The following OTUD6B variants were observed in gnomAD, a reference collection of about 807,000 sequenced individuals.
OTUD6B encodes deubiquitinase OTUD6B.
A neutral mutation model predicts 36.9 loss-of-function variants in OTUD6B; 41 were observed. That is an observed-to-expected ratio of 1.11 (90% CI 0.87 to 1.44). The LOEUF (loss-of-function observed/expected upper bound fraction) is 1.44, where lower values mean the gene tolerates loss of function less well. Ranked by LOEUF, OTUD6B falls within the 40% of genes most tolerant of loss-of-function variation. OTUD6B has a pLI of 0.00. For synonymous variants in OTUD6B, 114 were observed against 114.2 expected (o/e 1.00, Z 0.01); for missense variants, 356 against 344.8 (o/e 1.03, Z -0.26).
intron 3 of OTUD6B, among the ~76,000 whole-genome samples, chr8:91,074,504 T>G (rs1323964675): frequency 8.5e-5 from 13 of 152,054 alleles, no homozygotes; most frequent in Non-Finnish European, 7.4e-5. Context: ...AAATATTATT[T>G]AGATAGGATA....
Position 91,083,635 on chromosome 8 carries a change from C to G in OTUD6B, c.691-373C>G, listed in dbSNP as rs759702896. ...CACAGTTCAAACTTAGTTTCATGCA[C>G]AAAGTTATTTAAAATGTATAAAATT... On this transcript the variant is annotated intron_variant, in intron 5 of 6. Transcript: ENST00000404789. Among the ~76,000 whole-genome samples the G allele has an allele frequency of 7.1e-4, 108 of 152,178 alleles. 1 individual carries two copies. The highest frequency in any genetic ancestry group is 1.2e-3 in the Non-Finnish European group (82 of 68,002).
rs1812989478 is a variant in OTUD6B at position 91,085,112 on chromosome 8, C to G, written c.*244C>G. On this transcript the variant is annotated 3_prime_UTR_variant, in exon 7 of 7. Coordinates refer to ENST00000404789, the MANE Select transcript of OTUD6B (RefSeq NM_016023.5). ...AACACCATTCATAGACCAAGATGGT[C>G]CCCTATTAGCTGATATTTTCATTTA... is the stretch of plus-strand genomic sequence containing the variant. 4.2e-6 allele frequency: 1 copy of G among 235,686 alleles called. No homozygotes were observed. The highest frequency in any genetic ancestry group is 1.7e-4 in the South Asian group (1 of 5,788). The allele number at this position is 235,686 out of a possible 1,614,324, so 14.6% of individuals were successfully genotyped here.
chr8:91,080,827 C>G, intron 5 of OTUD6B, 97 bp downstream of exon 5: 1 of 833,666 alleles, frequency 1.2e-6, no homozygotes, highest in Non-Finnish European at 1.9e-6. Flanking sequence ...CCCAATTTCT[C>G]TTTGAAGATT....
rs541705246 is a variant in OTUD6B at position 91,071,555 on chromosome 8, A to G, written c.234+266A>G. 5.3e-5 allele frequency among the ~76,000 whole-genome samples: 8 copies of G among 152,238 alleles called. No individual in the cohort carries two copies. The South Asian group carries it at 8.3e-4, about 16-fold the overall frequency. Reference sequence around the variant, plus strand: ...AGTAGAGACAGGGTTTCACCATGTTAGCCAAGACGGTGTCGATCTCCTGAC... The same window carrying G: ...AGTAGAGACAGGGTTTCACCATGTTGGCCAAGACGGTGTCGATCTCCTGAC... On this transcript the variant is annotated intron_variant, in intron 2 of 6. Coordinates refer to ENST00000404789, the MANE Select transcript of OTUD6B (RefSeq NM_016023.5).
intron 3 of OTUD6B, among the ~76,000 whole-genome samples, chr8:91,075,576 C>G (rs769567712): frequency 1.3e-5 from 2 of 152,054 alleles, no homozygotes; most frequent in African/African-American, 2.4e-5. Context: ...TACTGCACAA[C>G]TGGAATTAAT....
Position 91,084,114 on chromosome 8 carries a change from T to A in OTUD6B, c.797T>A (p.Val266Glu). 6.9e-7 allele frequency: 1 copy of A among 1,442,796 alleles called. No individual in the cohort carries two copies. The highest frequency in any genetic ancestry group is 9.5e-7 in the Non-Finnish European group (1 of 1,054,168). The allele number at this position is 1,442,796 out of a possible 1,614,324, so 89.4% of individuals were successfully genotyped here. A position where few individuals can be genotyped will look rare whatever the true frequency, so the allele number is the denominator to read the frequency against. ...TATTCAAAAAAACCACTAATACTTG[T>A]GTAAGTACCTAGACATTTTTACTGT... The part of the protein sequence containing the change: ...EEYSKKPLIL[V>E]YMRHAYGLGE... Residue 266 changes from valine to glutamate, a missense_variant and splice_region_variant, in exon 6 of 7, where the codon GTA (valine) becomes GAA (glutamate). Transcript: ENST00000404789.
intron 2 of OTUD6B, among the ~76,000 whole-genome samples, chr8:91,073,109 C>A (rs982180610): frequency 6.6e-6 from 1 of 152,154 alleles, no homozygotes; most frequent in Non-Finnish European, 1.5e-5. Flanking sequence ...TCATTTGGGA[C>A]ACAGCCTTTG....
intron 5 of OTUD6B, among the ~76,000 whole-genome samples, chr8:91,082,984 T>C (rs953573511): frequency 7.9e-5 from 12 of 151,862 alleles, no homozygotes; most frequent in African/African-American, 2.9e-4. Context: ...GCTGGAATTA[T>C]GGGTGTGAGC....
chr8:91,071,361 C>A, intron 2 of OTUD6B, 72 bp downstream of exon 2: 3 of 1,191,266 alleles, frequency 2.5e-6, no homozygotes, highest in Non-Finnish European at 3.5e-6. Flanking sequence ...AAATGTTAAA[C>A]TGCTTTTTTT....
At chr8:91,076,533 A>G in intron 3 of OTUD6B, 2 of 1,524,156 alleles carry the variant, frequency 1.3e-6, no homozygotes, top group East Asian at 2.5e-5. Context: ...CTTTCAGTAA[A>G]TAGTACATGA....
intron 5 of OTUD6B, among the ~76,000 whole-genome samples, chr8:91,082,745 C>CTTTT (rs369648071): frequency 3.6e-5 from 4 of 111,868 alleles, no homozygotes; most frequent in Non-Finnish European, 5.3e-5. Context: ...GGTCATATGT[C>CTTTT]TTTTTTTTTT....
At chr8:91,072,724 C>T (rs1479862066) in intron 2 of OTUD6B, among the ~76,000 whole-genome samples, 1 of 152,090 alleles carries the variant, frequency 6.6e-6, no homozygotes, top group Non-Finnish European at 1.5e-5. Flanking sequence ...AATTGTCTCC[C>T]CATCTTTTCT....
At chr8:91,083,245 T>C (rs768612675) in intron 5 of OTUD6B, among the ~76,000 whole-genome samples, 2 of 152,120 alleles carry the variant, frequency 1.3e-5, no homozygotes, top group African/African-American at 2.4e-5. Flanking sequence ...TCTGAAAAAC[T>C]TTAAAAAAAT....
chr8:91,082,745 CTTTTTTTTTTT>C (rs369648071), intron 5 of OTUD6B, among the ~76,000 whole-genome samples: 2 of 111,870 alleles, frequency 1.8e-5, no homozygotes, highest in African/African-American at 3.7e-5. Context: ...GGTCATATGT[CTTTTTTTTTTT>C]TTTTTTTTTT....
In OTUD6B at chr8:91,084,764, C is replaced by CTT; in HGVS notation, c.798-10_798-9dup. 53 of 1,147,714 alleles carry CTT rather than the reference C, an allele frequency of 4.6e-5. No homozygotes were observed. The highest frequency in any genetic ancestry group is 1.5e-4 in the South Asian group (9 of 58,700). The allele number at this position is 1,147,714 out of a possible 1,614,324, so 71.1% of individuals were successfully genotyped here. A position where few individuals can be genotyped will look rare whatever the true frequency, so the allele number is the denominator to read the frequency against. The stretch of plus-strand genomic sequence containing the variant: ...TTGCTTTCATCAAAACTACTCATTT[C>CTT]TTTTTTTTTTTAATTTCAGATATAT... On this transcript the variant is annotated intron_variant, in intron 6 of 6. Coordinates refer to ENST00000404789, the MANE Select transcript of OTUD6B (RefSeq NM_016023.5).
chr8:91,082,552 G>A (rs1812925787), intron 5 of OTUD6B, among the ~76,000 whole-genome samples: 1 of 151,896 alleles, frequency 6.6e-6, no homozygotes, highest in Non-Finnish European at 1.5e-5. Context: ...TAGAAACGGG[G>A]TCTCCCTGTG....
intron 1 of OTUD6B, 143 bp from the exon 2 acceptor site, chr8:91,070,995 G>A (rs1554585722): frequency 7.4e-7 from 1 of 1,353,276 alleles, no homozygotes; most frequent in East Asian, 2.9e-5. Flanking sequence ...TTCTCTCTCT[G>A]TAGCTGCCTG....
chr8:91,074,717 T>C (rs1416767604), intron 3 of OTUD6B, among the ~76,000 whole-genome samples: 4 of 152,146 alleles, frequency 2.6e-5, no homozygotes, highest in Non-Finnish European at 5.9e-5. Flanking sequence ...TATTATTTTA[T>C]TAACACTTGA....
intron 3 of OTUD6B, among the ~76,000 whole-genome samples, chr8:91,075,618 G>C (rs1812790137): frequency 6.6e-6 from 1 of 151,962 alleles, no homozygotes; most frequent in African/African-American, 2.4e-5. Context: ...AAACCATTTA[G>C]TATCTTTTAT....
Sources: gnomAD v4.1 joint callset for allele counts (sites outside exome capture counted in the v4.1 genomes callset) on GRCh38, gnomAD v4.1.1 for gene constraint, MANE v1.5 for transcripts, NCBI Gene and HGNC (gene_info 2026-07-23, HGNC 2026-07-21) for gene names.